Variants in MIER2 observed in about 807,000 individuals in gnomAD.
MIER2 encodes the protein mesoderm induction early response protein 2.
MIER2 carries 30 observed loss-of-function variants against 67.6 expected under a neutral mutation model. That is an observed-to-expected ratio of 0.44 (90% CI 0.33 to 0.60). MIER2 has a LOEUF of 0.60. Ranked by LOEUF, MIER2 falls within the 20% of genes least tolerant of loss-of-function variation. The pLI, the probability that MIER2 is intolerant of heterozygous loss-of-function variation, is 0.02. For synonymous variants in MIER2, 372 were observed against 312.6 expected, an observed-to-expected ratio of 1.19 and a Z score of -2.00; for missense variants, 702 against 745.1, an observed-to-expected ratio of 0.94 and a Z score of 0.67.
At position 307,171 on chromosome 19, in the gene MIER2, C is replaced by G; in HGVS notation, c.1564G>C (p.Ala522Pro). The change falls in exon 13 of 14, where the codon GCC (alanine) becomes CCC (proline). Residue 522 changes from alanine to proline, a missense_variant. Physicochemically the swap from Ala to Pro is conservative, Grantham distance 27. Coordinates refer to ENST00000264819, the MANE Select transcript of MIER2 (RefSeq NM_017550.3). Reference protein sequence around the residue: ...IGIGDVNPFLAAHPTCPAPGL... With the variant: ...IGIGDVNPFLPAHPTCPAPGL... The stretch of plus-strand genomic sequence containing the variant: ...GGGGCCGGGCACGTGGGGTGGGCGG[C>G]CAGGAAGGGGTTCACGTCCCCAATG... 1 of 1,588,182 alleles carries G rather than the reference C, an allele frequency of 6.3e-7. No homozygotes were observed. The highest frequency in any genetic ancestry group is 8.6e-7 in the Non-Finnish European group (1 of 1,167,434).
chr19:344,736 G>T, intron 1 of MIER2, 38 bp downstream of exon 1: 2 of 1,152,050 alleles, frequency 1.7e-6, no homozygotes, highest in Non-Finnish European at 2.1e-6. Flanking sequence ...GCGGACGCGC[G>T]GGGGCGGGGG....
intron 7 of MIER2, among the ~76,000 whole-genome samples, chr19:316,904 G>A (rs906239957): frequency 6.6e-6 from 1 of 150,888 alleles, no homozygotes; most frequent in South Asian, 2.1e-4. Flanking sequence ...AGGAGGCGGA[G>A]GTTGCAATGA....
At chr19:344,340 G>A (rs1972641759) in intron 1 of MIER2, 5 of 984,876 alleles carry the variant, frequency 5.1e-6, no homozygotes, top group Non-Finnish European at 6.0e-6. Flanking sequence ...GGGGCGCCTG[G>A]CGGCCCCAGC....
At chr19:338,956 G>T (rs1330483881) in intron 1 of MIER2, among the ~76,000 whole-genome samples, 1 of 151,770 alleles carries the variant, frequency 6.6e-6, no homozygotes, top group Non-Finnish European at 1.5e-5. Flanking sequence ...CAACTTTTCG[G>T]AGAAAATATA....
At chr19:309,055 C>A (rs535502870) in intron 10 of MIER2, 130 bp from the exon 11 acceptor site, 1 of 1,324,850 alleles carries the variant, frequency 7.5e-7, no homozygotes, top group Non-Finnish European at 1.0e-6. Context: ...TCTCAGATAA[C>A]GCAAGACCCC....
chr19:317,179 G>C (rs1468527063), intron 7 of MIER2, among the ~76,000 whole-genome samples: 1 of 152,118 alleles, frequency 6.6e-6, no homozygotes, highest in African/African-American at 2.4e-5. Context: ...CGGATCACGA[G>C]GTCAGGAGAT....
At chr19:336,519 C>T (rs1246687417) in intron 1 of MIER2, among the ~76,000 whole-genome samples, 3 of 152,182 alleles carry the variant, frequency 2.0e-5, no homozygotes, top group African/African-American at 7.2e-5. Flanking sequence ...GGAGGGAAGC[C>T]AGACACCAAC....
At chr19:316,963 T>C (rs1325776140) in intron 7 of MIER2, among the ~76,000 whole-genome samples, 1 of 152,052 alleles carries the variant, frequency 6.6e-6, no homozygotes, top group Non-Finnish European at 1.5e-5. Flanking sequence ...AACAAGACTC[T>C]ATCTCAAAAA....
Position 308,735 on chromosome 19 carries a change from G to T in MIER2, c.1109+66C>A. 6.3e-7 allele frequency: 1 copy of T among 1,592,758 alleles called. No individual in the cohort carries two copies. Among genetic ancestry groups the T allele is most frequent in the South Asian group, 1.1e-5 (1 of 90,152 alleles). On this transcript the variant is annotated intron_variant, in intron 11 of 13. Coordinates refer to ENST00000264819, the MANE Select transcript of MIER2 (RefSeq NM_017550.3). The surrounding 1 kb of genome is among the most constrained non-coding windows in gnomAD (Gnocchi z 9.1). ...CCCCCACCCAAGAGGTGCCGCCCAG[G>T]CGCCCACGTGCCCACCCCCGGCGGG...
intron 5 of MIER2, chr19:326,892 C>A: frequency 1.7e-6 from 1 of 592,526 alleles, no homozygotes; most frequent in Non-Finnish European, 2.9e-6. Flanking sequence ...GTCCCTGGAT[C>A]TGCTAGGGGA....
intron 7 of MIER2, among the ~76,000 whole-genome samples, chr19:324,747 G>A (rs1468241957): frequency 1.3e-5 from 2 of 152,264 alleles, no homozygotes; most frequent in Non-Finnish European, 2.9e-5. Context: ...GGACGAAGAA[G>A]TCCTGGCTGC....
At chr19:344,515 C>A (rs950996182) in intron 1 of MIER2, 3 of 369,280 alleles carry the variant, frequency 8.1e-6, no homozygotes, top group Non-Finnish European at 7.4e-6. Context: ...CGGCCCCCGC[C>A]CGCCCCGCGC....
chr19:334,375 G>C, intron 3 of MIER2, 25 bp downstream of exon 3: 1 of 1,613,320 alleles, frequency 6.2e-7, no homozygotes, highest in Non-Finnish European at 8.5e-7. Flanking sequence ...CCCAACACAG[G>C]GGCAGGATCA....
rs953242728 is a variant in MIER2 at position 307,254 on chromosome 19, T to A, written c.1481A>T (p.Glu494Val). The A allele has an allele frequency of 6.3e-7, 1 of 1,595,602 alleles. No homozygotes were observed. The highest frequency in any genetic ancestry group is 8.5e-7 in the Non-Finnish European group (1 of 1,171,504). ...SSHVDLSGDPEETVAPAQVAL... is the reference protein window; with the variant it reads ...SSHVDLSGDPVETVAPAQVAL... ...CACCTGTGCTGGGGCCACAGTCTCC[T>A]CCGGATCCCCGCTGAGGTCCACATG... Residue 494 changes from glutamate (E) to valine (V), a missense_variant, in exon 13 of 14, where the codon GAG becomes GTG. Around this residue, in one of 3 missense-constraint regions of MIER2, gnomAD observed 254 missense variants for 262.8 expected, o/e 0.97. Coordinates refer to ENST00000264819, the MANE Select transcript of MIER2 (RefSeq NM_017550.3).
chr19:316,670 A>G (rs1971249504), intron 7 of MIER2, among the ~76,000 whole-genome samples: 1 of 152,204 alleles, frequency 6.6e-6, no homozygotes, highest in Admixed American at 6.5e-5. Context: ...TAGGGGAACT[A>G]GAATGTACTT....
intron 4 of MIER2, among the ~76,000 whole-genome samples, chr19:327,570 C>G (rs1048077383): frequency 6.6e-6 from 1 of 152,242 alleles, no homozygotes; most frequent in African/African-American, 2.4e-5. Flanking sequence ...TCCCAACACC[C>G]AAGCCTTGAC....
chr19:329,388 T>C (rs1971918258), intron 3 of MIER2, among the ~76,000 whole-genome samples: 1 of 152,182 alleles, frequency 6.6e-6, no homozygotes, highest in South Asian at 2.1e-4. Context: ...AACCTCTCCA[T>C]AGTAGCCCAA....
chr19:317,084 G>A (rs574375190), intron 7 of MIER2, among the ~76,000 whole-genome samples: 2 of 152,092 alleles, frequency 1.3e-5, no homozygotes, highest in African/African-American at 4.8e-5. Flanking sequence ...TCCAAAAGAA[G>A]ATATAAAAAA....
At chr19:332,282 G>A (rs1385883979) in intron 3 of MIER2, among the ~76,000 whole-genome samples, 10 of 151,954 alleles carry the variant, frequency 6.6e-5, no homozygotes, top group South Asian at 2.1e-4. Context: ...ATGAGTTAGC[G>A]AATAAGTATT....
Sources: allele counts gnomAD v4.1 joint callset (sites outside exome capture counted in the v4.1 genomes callset), GRCh38; gene constraint gnomAD v4.1.1; regional missense constraint gnomAD v4.1.1; non-coding constraint Gnocchi (gnomAD v3.1); transcripts MANE v1.5; gene names NCBI Gene and HGNC (gene_info 2026-07-23, HGNC 2026-07-21).